SDK1: variants seen among roughly 807,000 people sequenced by gnomAD.
SDK1 encodes the protein sidekick cell adhesion molecule 1, also known as protein sidekick-1.
SDK1 carries 157 observed loss-of-function variants against 245.5 expected under a neutral mutation model. The observed-to-expected ratio is 0.64, with a 90% CI of 0.56 to 0.73. SDK1 has a LOEUF of 0.73. Ranked by LOEUF, SDK1 falls within the 30% of genes least tolerant of loss-of-function variation. The pLI is 0.00. For missense variants in SDK1, 3,583 were observed against 3,002.3 expected (o/e 1.19, Z -4.52); for synonymous variants, 1,647 against 1,278.5 (o/e 1.29, Z -6.15).
At chr7:3,542,307 C>G (rs965885405) in intron 1 of SDK1, among the ~76,000 whole-genome samples, 4 of 152,148 alleles carry the variant, frequency 2.6e-5, no homozygotes, top group East Asian at 1.9e-4. Context: ...CATAATTTTT[C>G]TCCCCAACAG....
intron 38 of SDK1, among the ~76,000 whole-genome samples, chr7:4,216,352 C>T (rs959542933): frequency 6.6e-5 from 10 of 152,178 alleles, no homozygotes; most frequent in South Asian, 2.1e-4. Flanking sequence ...CCCCGCCCCA[C>T]GGCCGCTGCT....
At chr7:3,888,225 G>A (rs984831814) in intron 5 of SDK1, among the ~76,000 whole-genome samples, 6 of 152,176 alleles carry the variant, frequency 3.9e-5, no homozygotes, top group South Asian at 2.1e-4. Context: ...CTTTTCCCAC[G>A]TTGTTGTGAA....
chr7:4,214,737 G>T lies in SDK1; in HGVS notation c.5539+4575G>T, dbSNP rs537030260. ...CAAGCAGCGGATCCAGGTGTGGATT[G>T]CCCAGCGGTGCTGGTGACATGAGGC... On this transcript the variant is annotated intron_variant, in intron 38 of 44. Transcript: ENST00000404826. Among the ~76,000 whole-genome samples, 25 of 152,308 alleles carry T rather than the reference G, an allele frequency of 1.6e-4. No individual in the cohort carries two copies. In the South Asian group the frequency reaches 4.8e-3, roughly 29 times the overall value.
chr7:4,035,103 C>T (rs1395616169), intron 17 of SDK1, among the ~76,000 whole-genome samples: 2 of 152,096 alleles, frequency 1.3e-5, no homozygotes, highest in African/African-American at 4.8e-5. Flanking sequence ...CTTAGCCTCC[C>T]GAGTAGCTGG....
intron 1 of SDK1, among the ~76,000 whole-genome samples, chr7:3,587,774 T>C (rs913231043): frequency 6.6e-6 from 1 of 152,248 alleles, no homozygotes; most frequent in Non-Finnish European, 1.5e-5. Context: ...ACACTGCCCC[T>C]TGGCCTTTCC....
intron 4 of SDK1, among the ~76,000 whole-genome samples, chr7:3,686,119 A>G (rs751491073): frequency 6.6e-6 from 1 of 152,166 alleles, no homozygotes; most frequent in Non-Finnish European, 1.5e-5. Context: ...CTTGTTGCCC[A>G]TGCTGGAGCA....
chr7:3,800,211 T>C (rs1013932694), intron 4 of SDK1, among the ~76,000 whole-genome samples: 2 of 152,184 alleles, frequency 1.3e-5, no homozygotes, highest in African/African-American at 2.4e-5. Context: ...TTCCATTTCC[T>C]AATTTTTAAT....
intron 1 of SDK1, among the ~76,000 whole-genome samples, chr7:3,506,204 A>G (rs1428174762): frequency 6.6e-6 from 1 of 152,142 alleles, no homozygotes; most frequent in Admixed American, 6.5e-5. Context: ...TTTGCTTGAA[A>G]AAAATTTTGG....
intron 25 of SDK1, among the ~76,000 whole-genome samples, chr7:4,123,499 C>T (rs1415117491): frequency 1.3e-5 from 2 of 152,224 alleles, no homozygotes; most frequent in East Asian, 1.9e-4. Flanking sequence ...AGGAGTGAGC[C>T]GGGTGGAGCC....
chr7:3,537,697 G>C (rs1406164846), intron 1 of SDK1, among the ~76,000 whole-genome samples: 2 of 152,218 alleles, frequency 1.3e-5, no homozygotes, highest in African/African-American at 4.8e-5. Flanking sequence ...GGGATGATCT[G>C]TCTGTGCTGT....
chr7:3,792,602 C>T (rs1428423170), intron 4 of SDK1, among the ~76,000 whole-genome samples: 1 of 99,348 alleles, frequency 1.0e-5, no homozygotes. Context: ...GCCTTCTCTC[C>T]CTTTCTCCCT....
At chr7:3,573,258 C>T (rs530519354) in intron 1 of SDK1, among the ~76,000 whole-genome samples, 6 of 152,162 alleles carry the variant, frequency 3.9e-5, no homozygotes, top group South Asian at 2.1e-4. Flanking sequence ...ATTGGTGGGA[C>T]GATGGCTGGA....
chr7:4,033,294 T>C (rs1787968965), intron 17 of SDK1, among the ~76,000 whole-genome samples: 1 of 152,178 alleles, frequency 6.6e-6, no homozygotes. Flanking sequence ...CCTACCCCCA[T>C]ATACAAGGAT....
At chr7:3,961,745 T>G (rs1781698334) in intron 8 of SDK1, among the ~76,000 whole-genome samples, 3 of 152,200 alleles carry the variant, frequency 2.0e-5, no homozygotes, top group Admixed American at 6.5e-5. Flanking sequence ...TCATTTTCAT[T>G]GTTAGCTGTT....
At chr7:3,757,068 A>G (rs931571634) in intron 4 of SDK1, among the ~76,000 whole-genome samples, 19 of 152,186 alleles carry the variant, frequency 1.2e-4, no homozygotes, top group African/African-American at 3.6e-4. Context: ...TCTGACACCA[A>G]CTGGGTGTCC....
Position 4,012,549 on chromosome 7 carries a change from C to CTTTTTTTTTTTTTTT in SDK1, c.2420+343_2420+357dup, listed in dbSNP as rs777199429. Among the ~76,000 whole-genome samples, 19 of 25,988 alleles carry CTTTTTTTTTTTTTTT rather than the reference C, an allele frequency of 7.3e-4. 6 individuals carry two copies. Among genetic ancestry groups the CTTTTTTTTTTTTTTT allele is most frequent in the Non-Finnish European group, 1.4e-3 (14 of 10,038 alleles). 17.0% of individuals were successfully genotyped at this position (25,988 alleles called of 152,430 possible). ...GCAAGGTATATTGTTCAATGTGAAG[C>CTTTTTTTTTTTTTTT]TTTTTTTTTTTTTTTTTTTTTTTTT... On this transcript the variant is annotated intron_variant, in intron 16 of 44. Coordinates refer to ENST00000404826, the MANE Select transcript of SDK1 (RefSeq NM_152744.4).
intron 17 of SDK1, among the ~76,000 whole-genome samples, chr7:4,039,778 C>A (rs2128161680): frequency 6.6e-6 from 1 of 152,188 alleles, no homozygotes; most frequent in African/African-American, 2.4e-5. Context: ...GAGATTCCAT[C>A]AGTAATCAGA....
At chr7:3,998,701 C>T (rs888680893) in intron 14 of SDK1, among the ~76,000 whole-genome samples, 1 of 152,206 alleles carries the variant, frequency 6.6e-6, no homozygotes, top group Non-Finnish European at 1.5e-5. Flanking sequence ...GCCCTGTTTT[C>T]TATGAATTAG....
At chr7:3,805,360 A>G (rs1296558937) in intron 4 of SDK1, among the ~76,000 whole-genome samples, 1 of 152,210 alleles carries the variant, frequency 6.6e-6, no homozygotes, top group African/African-American at 2.4e-5. Flanking sequence ...TCTGACTTGA[A>G]TGCCTTTGTA....
Sources: gnomAD v4.1 joint callset for allele counts (sites outside exome capture counted in the v4.1 genomes callset) on GRCh38, gnomAD v4.1.1 for gene constraint, MANE v1.5 for transcripts, NCBI Gene and HGNC (gene_info 2026-07-23, HGNC 2026-07-21) for gene names.